The following MEF2A variants were observed in gnomAD, a reference collection of about 807,000 sequenced individuals.
MEF2A encodes the protein myocyte-specific enhancer factor 2A.
Under a neutral mutation model 55.8 loss-of-function variants are expected in MEF2A, and 28 were observed. That is an observed-to-expected ratio of 0.50 (90% CI 0.37 to 0.69). The LOEUF is 0.69. Among genes scored for constraint, MEF2A ranks in the 30% least tolerant of loss-of-function variants. The pLI, the probability that MEF2A is intolerant of heterozygous loss-of-function variation, is 0.00. For synonymous variants in MEF2A, 239 were observed against 227.1 expected (o/e 1.05, Z -0.47); for missense variants, 528 against 626.2 (o/e 0.84, Z 1.67).
Position 99,643,465 on chromosome 15 carries a change from C to T in MEF2A, c.55-2096C>T, listed in dbSNP as rs556877658. Among the ~76,000 whole-genome samples the T allele has an allele frequency of 1.8e-3, 281 of 152,190 alleles. 1 individual carries two copies. The highest frequency in any genetic ancestry group is 2.9e-3 in the Admixed American group (45 of 15,282). On this transcript the variant is annotated intron_variant, in intron 3 of 11. Coordinates refer to ENST00000557942, the MANE Select transcript of MEF2A (RefSeq NM_001319206.4). ...TCATAAGTGATAGTATTTTTCATTC[C>T]TTTCCTTATTGCTTTCCTCCATTGT...
intron 1 of MEF2A, among the ~76,000 whole-genome samples, chr15:99,591,910 T>G (rs1191565233): frequency 3.9e-5 from 6 of 152,198 alleles, no homozygotes; most frequent in Admixed American, 3.9e-4. Flanking sequence ...GTTTATGCCT[T>G]TAAAGACACC....
chr15:99,573,466 A>C (rs1033398944), intron 1 of MEF2A, among the ~76,000 whole-genome samples: 4 of 152,320 alleles, frequency 2.6e-5, no homozygotes, highest in African/African-American at 9.6e-5. Flanking sequence ...AGAGCTGTGG[A>C]GCACAAGGGG....
intron 4 of MEF2A, among the ~76,000 whole-genome samples, chr15:99,658,204 A>G (rs2048063236): frequency 6.6e-6 from 1 of 152,182 alleles, no homozygotes; most frequent in African/African-American, 2.4e-5. Context: ...GCTTGAAAAT[A>G]TCAGTAGGAA....
At chr15:99,672,494 A>G (rs777331042) in intron 5 of MEF2A, among the ~76,000 whole-genome samples, 2 of 152,192 alleles carry the variant, frequency 1.3e-5, no homozygotes, top group Admixed American at 1.3e-4. Flanking sequence ...CTGATTTCCT[A>G]ATTCTGTATA....
At chr15:99,594,450 CCTTT>C (rs1274587698) in intron 1 of MEF2A, among the ~76,000 whole-genome samples, 2 of 115,786 alleles carry the variant, frequency 1.7e-5, no homozygotes, top group Admixed American at 1.0e-4. Context: ...CAAACCCTGT[CCTTT>C]CTTTCTTTTT....
intron 2 of MEF2A, among the ~76,000 whole-genome samples, chr15:99,630,670 T>C (rs1400117011): frequency 6.6e-6 from 1 of 152,248 alleles, no homozygotes; most frequent in East Asian, 1.9e-4. Flanking sequence ...GAATTACTTT[T>C]GCTACTGGTA....
intron 9 of MEF2A, 133 bp from the exon 10 acceptor site, chr15:99,706,596 G>A: frequency 1.0e-6 from 1 of 953,742 alleles, no homozygotes; most frequent in Non-Finnish European, 1.6e-6. Context: ...TATTTTTGAA[G>A]TTTTCACATC....
intron 1 of MEF2A, among the ~76,000 whole-genome samples, chr15:99,588,122 T>C (rs1036610129): frequency 6.6e-6 from 1 of 152,016 alleles, no homozygotes; most frequent in Non-Finnish European, 1.5e-5. Context: ...AGGTGTTTTG[T>C]TTTGTTTTGT....
chr15:99,656,314 A>T (rs2047698072), intron 4 of MEF2A, among the ~76,000 whole-genome samples: 1 of 152,158 alleles, frequency 6.6e-6, no homozygotes, highest in Non-Finnish European at 1.5e-5. Flanking sequence ...AAATGTACTT[A>T]AAAAGATAAG....
At chr15:99,689,494 T>G (rs1335506738) in intron 7 of MEF2A, among the ~76,000 whole-genome samples, 3 of 152,166 alleles carry the variant, frequency 2.0e-5, no homozygotes, top group African/African-American at 7.2e-5. Flanking sequence ...CTTGTTTGTT[T>G]CTTTGAGACA....
intron 3 of MEF2A, among the ~76,000 whole-genome samples, chr15:99,640,463 A>G (rs1421527266): frequency 1.3e-5 from 2 of 151,386 alleles, no homozygotes; most frequent in Admixed American, 1.3e-4. Flanking sequence ...ATATAGCTAC[A>G]TATTTCTTCC....
chr15:99,657,041 T>G (rs530695704), intron 4 of MEF2A, among the ~76,000 whole-genome samples: 1 of 152,258 alleles, frequency 6.6e-6, no homozygotes, highest in South Asian at 2.1e-4. Context: ...GAATTTGATA[T>G]AGATGGAGTC....
intron 2 of MEF2A, among the ~76,000 whole-genome samples, chr15:99,613,113 G>T (rs911570955): frequency 1.3e-5 from 2 of 152,182 alleles, no homozygotes; most frequent in South Asian, 2.1e-4. Context: ...AATAAAGAGT[G>T]TAATATTGTA....
chr15:99,666,684 T>C (rs371300739), intron 4 of MEF2A, among the ~76,000 whole-genome samples: 36 of 152,118 alleles, frequency 2.4e-4, no homozygotes, highest in African/African-American at 8.7e-4. Context: ...GTTTAATTAA[T>C]GCTAGACAAC....
Position 99,637,845 on chromosome 15 carries a change from G to T in MEF2A, c.54+4672G>T, listed in dbSNP as rs1013864280. Among the ~76,000 whole-genome samples the T allele has an allele frequency of 5.5e-4, 83 of 151,980 alleles. 1 individual carries two copies. The highest frequency in any genetic ancestry group is 1.1e-3 in the Non-Finnish European group (78 of 67,992). On this transcript the variant is annotated intron_variant, in intron 3 of 11. Coordinates refer to ENST00000557942, the MANE Select transcript of MEF2A (RefSeq NM_001319206.4). ...TTTTTAGTAGAGACGGGGTTTCATGGTGTCAGCCAGGATGGTCTTGATCTC... is the reference window on the plus strand; with the variant it reads ...TTTTTAGTAGAGACGGGGTTTCATGTTGTCAGCCAGGATGGTCTTGATCTC...
intron 7 of MEF2A, among the ~76,000 whole-genome samples, chr15:99,679,997 G>A (rs1264660909): frequency 6.6e-6 from 1 of 152,168 alleles, no homozygotes; most frequent in East Asian, 1.9e-4. Context: ...GCATGTGGCA[G>A]CTGGAACTCA....
chr15:99,693,423 GCACA>G (rs140629596), intron 8 of MEF2A, among the ~76,000 whole-genome samples: 3 of 150,642 alleles, frequency 2.0e-5, no homozygotes, highest in East Asian at 3.9e-4. Flanking sequence ...ATGCACGCAT[GCACA>G]CACACACACA....
chr15:99,577,909 C>T (rs564984644), intron 1 of MEF2A, among the ~76,000 whole-genome samples: 12 of 152,088 alleles, frequency 7.9e-5, no homozygotes, highest in African/African-American at 1.4e-4. Flanking sequence ...GGCAATATAC[C>T]GAAGTAATGG....
At chr15:99,591,722 T>C (rs1260400482) in intron 1 of MEF2A, among the ~76,000 whole-genome samples, 1 of 152,326 alleles carries the variant, frequency 6.6e-6, no homozygotes, top group East Asian at 1.9e-4. Flanking sequence ...TTTGATGTTT[T>C]TACATCTTCA....
Sources: allele counts gnomAD v4.1 joint callset (sites outside exome capture counted in the v4.1 genomes callset), GRCh38; gene constraint gnomAD v4.1.1; transcripts MANE v1.5; gene names NCBI Gene and HGNC (gene_info 2026-07-23, HGNC 2026-07-21).